The following SYT9 variants were observed in gnomAD, a reference collection of about 807,000 sequenced individuals.
The protein encoded by SYT9 is synaptotagmin 9.
In SYT9, 22 loss-of-function variants were observed where a neutral mutation model predicts 48.4. That is an observed-to-expected ratio of 0.45 (90% CI 0.32 to 0.65). SYT9 has a LOEUF of 0.65. Among genes scored for constraint, SYT9 ranks in the 30% least tolerant of loss-of-function variants. SYT9 has a pLI of 0.03. For missense variants in SYT9, 577 were observed against 622.0 expected (o/e 0.93, Z 0.77); for synonymous variants, 265 against 245.0 (o/e 1.08, Z -0.76).
At chr11:7,260,047 C>G (rs1442127779) in intron 1 of SYT9, among the ~76,000 whole-genome samples, 1 of 152,084 alleles carries the variant, frequency 6.6e-6, no homozygotes, top group Non-Finnish European at 1.5e-5. Flanking sequence ...GCAGCTGTTA[C>G]TTAACCACGT....
At chr11:7,297,416 T>A (rs910160843) in intron 1 of SYT9, among the ~76,000 whole-genome samples, 7 of 152,230 alleles carry the variant, frequency 4.6e-5, no homozygotes, top group African/African-American at 1.7e-4. Flanking sequence ...TATTTCTGTA[T>A]GTATTTAGAA....
chr11:7,391,949 C>A (rs1380584563), intron 3 of SYT9, among the ~76,000 whole-genome samples: 1 of 151,556 alleles, frequency 6.6e-6, no homozygotes, highest in Non-Finnish European at 1.5e-5. Flanking sequence ...GTCCTTTGTC[C>A]ACTTTCTAAT....
Position 7,391,735 on chromosome 11 carries a change from T to TAAAAAAAAAAAAAAAAAAAAA in SYT9, c.1045-24297_1045-24277dup, listed in dbSNP as rs71059104. ...GGACAACATGGTAAAACCCCATCTCTAAAAAAAAAAAAAAAAAAAAAAAAA... is the reference window on the plus strand; with the variant it reads ...GGACAACATGGTAAAACCCCATCTCTAAAAAAAAAAAAAAAAAAAAAAAAAAAAAAAAAAAAAAAAAAAAAA... On this transcript the variant is annotated intron_variant, in intron 3 of 6. Coordinates refer to ENST00000318881, the MANE Select transcript of SYT9 (RefSeq NM_175733.4). Among the ~76,000 whole-genome samples, 13 of 35,946 alleles carry TAAAAAAAAAAAAAAAAAAAAA rather than the reference T, an allele frequency of 3.6e-4. 2 individuals are homozygous for TAAAAAAAAAAAAAAAAAAAAA. The highest frequency in any genetic ancestry group is 2.1e-3 in the South Asian group (1 of 466). 23.6% of individuals were successfully genotyped at this position (35,946 alleles called of 152,430 possible).
chr11:7,263,351 A>G lies in SYT9; in HGVS notation c.145+11020A>G, dbSNP rs138668041. ...TGGAAGGGGTTTCTTTCATAAGGGC[A>G]TTAATCCCATTCATGGGGGCTCTGC... On this transcript the variant is annotated intron_variant, in intron 1 of 6. Coordinates refer to ENST00000318881, the MANE Select transcript of SYT9 (RefSeq NM_175733.4). Among the ~76,000 whole-genome samples the G allele has an allele frequency of 7.7e-3, 1,172 of 152,246 alleles. 15 individuals are homozygous for G. The highest frequency in any genetic ancestry group is 0.021 in the African/African-American group (879 of 41,546).
chr11:7,253,180 A>C (rs1847905827), intron 1 of SYT9, among the ~76,000 whole-genome samples: 1 of 152,226 alleles, frequency 6.6e-6, no homozygotes. Flanking sequence ...GTTACTGGCT[A>C]CTGGAAAATG....
Position 7,398,639 on chromosome 11 carries a change from G to GT in SYT9, c.1045-17399dup, listed in dbSNP as rs1471539376. Among the ~76,000 whole-genome samples the GT allele has an allele frequency of 2.0e-5, 3 of 151,976 alleles. No homozygotes were observed. In the East Asian group the frequency reaches 5.8e-4, roughly 29 times the overall value. On this transcript the variant is annotated intron_variant, in intron 3 of 6. Coordinates refer to ENST00000318881, the MANE Select transcript of SYT9 (RefSeq NM_175733.4). ...GTTAGCCAGGACAGTCTCGATTACA[G>GT]TTTTCTTATAGTGTTTTGTCTAGTT...
chr11:7,397,421 T>C (rs1388904474), intron 3 of SYT9, among the ~76,000 whole-genome samples: 1 of 152,194 alleles, frequency 6.6e-6, no homozygotes, highest in Non-Finnish European at 1.5e-5. Flanking sequence ...TTTTGATTAA[T>C]GTAGTTTTAT....
chr11:7,348,798 T>C (rs1413990676), intron 3 of SYT9, among the ~76,000 whole-genome samples: 2 of 151,342 alleles, frequency 1.3e-5, no homozygotes, highest in Non-Finnish European at 2.9e-5. Context: ...TACTGTCTCT[T>C]AGATTTCATA....
intron 6 of SYT9, chr11:7,435,906 A>C (rs1248977148): frequency 4.6e-5 from 7 of 152,188 alleles, no homozygotes; most frequent in Non-Finnish European, 1.0e-4. Context: ...GCATGAACCC[A>C]GGAGGCAGAG....
In SYT9 at chr11:7,309,804, G is replaced by T. The variant is rs1173993904; in HGVS notation, c.498-3591G>T. 2.6e-5 allele frequency among the ~76,000 whole-genome samples: 4 copies of T among 152,220 alleles called. No individual in the cohort carries two copies. In the East Asian group the frequency reaches 5.8e-4, roughly 22 times the overall value. On this transcript the variant is annotated intron_variant, in intron 2 of 6. Transcript: ENST00000318881. ...AGACCTCCAGAGGTTATACAGGGAGGTTATGAGTTACCCTGGTTCTCTGGC... is the reference window on the plus strand; with the variant it reads ...AGACCTCCAGAGGTTATACAGGGAGTTTATGAGTTACCCTGGTTCTCTGGC...
intron 2 of SYT9, among the ~76,000 whole-genome samples, chr11:7,304,857 T>A (rs1438411596): frequency 6.6e-6 from 1 of 152,222 alleles, no homozygotes; most frequent in Non-Finnish European, 1.5e-5. Flanking sequence ...TTTCAATAGC[T>A]AAAGCCTTTT....
intron 3 of SYT9, among the ~76,000 whole-genome samples, chr11:7,375,553 G>T (rs1037306157): frequency 1.3e-4 from 20 of 152,076 alleles, no homozygotes; most frequent in African/African-American, 4.8e-4. Context: ...CATGAGCATA[G>T]AATGTTTTTC....
intron 6 of SYT9, among the ~76,000 whole-genome samples, chr11:7,442,942 G>T (rs1847855449): frequency 6.6e-6 from 1 of 152,176 alleles, no homozygotes; most frequent in African/African-American, 2.4e-5. Context: ...CTGCCTTCCA[G>T]GAGTACACAG....
chr11:7,369,899 CTTTAT>C (rs139691089), intron 3 of SYT9, among the ~76,000 whole-genome samples: 21,901 of 151,122 alleles, frequency 0.14, 1,833 homozygotes, highest in South Asian at 0.23. Context: ...CTCAAATTTT[CTTTAT>C]TTTATTTTTC....
intron 6 of SYT9, among the ~76,000 whole-genome samples, chr11:7,445,520 T>C (rs938976641): frequency 6.6e-5 from 10 of 152,162 alleles, no homozygotes; most frequent in Non-Finnish European, 4.4e-5. Flanking sequence ...CTGGTGCTCC[T>C]CCAAAAACCT....
chr11:7,359,055 A>G (rs12790197), intron 3 of SYT9, among the ~76,000 whole-genome samples: 4 of 148,618 alleles, frequency 2.7e-5, no homozygotes, highest in Admixed American at 1.3e-4. Flanking sequence ...CTGTGTCCAT[A>G]TGTTCTCATT....
chr11:7,331,308 G>A (rs1288976774), intron 3 of SYT9, among the ~76,000 whole-genome samples: 1 of 148,486 alleles, frequency 6.7e-6, no homozygotes, highest in Non-Finnish European at 1.5e-5. Context: ...GCAATATCAA[G>A]GATCAGGAAA....
chr11:7,387,605 A>G (rs900941641), intron 3 of SYT9, among the ~76,000 whole-genome samples: 12 of 152,166 alleles, frequency 7.9e-5, no homozygotes, highest in African/African-American at 2.4e-4. Flanking sequence ...ACAATGTTCA[A>G]TAGAAGAGAT....
chr11:7,333,284 C>G lies in SYT9; in HGVS notation c.1044+19343C>G, dbSNP rs537975418. ...GGCCATATTTGCAATCTTTATCTTT[C>G]CAGCTCCACACACTCAGCTATGTGG... is the stretch of plus-strand genomic sequence containing the variant. On this transcript the variant is annotated intron_variant, in intron 3 of 6. Transcript: ENST00000318881. 3.9e-5 allele frequency among the ~76,000 whole-genome samples: 6 copies of G among 152,202 alleles called. No individual in the cohort carries two copies. The South Asian group carries it at 8.3e-4, about 21-fold the overall frequency.
Sources: gnomAD v4.1 joint callset for allele counts (sites outside exome capture counted in the v4.1 genomes callset) on GRCh38, gnomAD v4.1.1 for gene constraint, MANE v1.5 for transcripts, NCBI Gene and HGNC (gene_info 2026-07-23, HGNC 2026-07-21) for gene names.